The following XRCC4 variants were observed in gnomAD, a reference collection of about 807,000 sequenced individuals.
The protein encoded by XRCC4 is DNA repair protein XRCC4.
Under a neutral mutation model 39.1 loss-of-function variants are expected in XRCC4, and 28 were observed. That is an observed-to-expected ratio of 0.72 (90% CI 0.53 to 0.98). The LOEUF is 0.98. Among genes scored for constraint, XRCC4 ranks in the 50% least tolerant of loss-of-function variants. XRCC4 has a pLI of 0.00. For missense variants in XRCC4, 350 were observed against 376.4 expected (o/e 0.93, Z 0.58); for synonymous variants, 123 against 126.4 (o/e 0.97, Z 0.18).
intron 6 of XRCC4, among the ~76,000 whole-genome samples, chr5:83,215,134 G>C (rs967191423): frequency 6.6e-6 from 1 of 152,004 alleles, no homozygotes; most frequent in African/African-American, 2.4e-5. Context: ...TCAGCAGTTT[G>C]AGACCAACCT....
intron 7 of XRCC4, among the ~76,000 whole-genome samples, chr5:83,298,399 G>C (rs1392403237): frequency 6.6e-6 from 1 of 151,854 alleles, no homozygotes; most frequent in South Asian, 2.1e-4. Flanking sequence ...CTTTATAGTT[G>C]TCAATCTAAG....
intron 6 of XRCC4, among the ~76,000 whole-genome samples, chr5:83,206,221 C>T (rs971841150): frequency 1.3e-5 from 2 of 152,040 alleles, no homozygotes; most frequent in Non-Finnish European, 2.9e-5. Flanking sequence ...TATAGGATGA[C>T]AAATGCAGAA....
At chr5:83,154,580 T>C (rs1045042537) in intron 3 of XRCC4, among the ~76,000 whole-genome samples, 16 of 152,182 alleles carry the variant, frequency 1.1e-4, no homozygotes, top group African/African-American at 3.9e-4. Context: ...TAGACAATTA[T>C]TAACTATTTG....
At chr5:83,335,531 T>A (rs540859507) in intron 7 of XRCC4, among the ~76,000 whole-genome samples, 28 of 152,116 alleles carry the variant, frequency 1.8e-4, no homozygotes, top group African/African-American at 6.7e-4. Context: ...ATCCTATAAA[T>A]CAGTACTTTA....
intron 1 of XRCC4, 194 bp downstream of exon 1, chr5:83,077,809 A>G (rs1215199521): frequency 6.2e-6 from 1 of 162,446 alleles, no homozygotes; most frequent in Non-Finnish European, 1.4e-5. Context: ...GGTTCTCGGC[A>G]TTATCCTCAG....
chr5:83,176,705 C>T (rs1047042515), intron 3 of XRCC4, among the ~76,000 whole-genome samples: 3 of 151,804 alleles, frequency 2.0e-5, no homozygotes, highest in African/African-American at 7.3e-5. Flanking sequence ...TCACTGCAGC[C>T]TCCACTTTCA....
At position 83,153,921 on chromosome 5, in the gene XRCC4, A is replaced by G. The variant is rs1272774457; in HGVS notation, c.316-41849A>G. 2.6e-5 allele frequency among the ~76,000 whole-genome samples: 4 copies of G among 152,160 alleles called. No homozygotes were observed. In the East Asian group the frequency reaches 5.8e-4, roughly 22 times the overall value. Reference sequence around the variant, plus strand: ...TTTATTCACATAATTGTGTTATTGTATATGTATTTTTACAACTTTTTTATT... The same window carrying G: ...TTTATTCACATAATTGTGTTATTGTGTATGTATTTTTACAACTTTTTTATT... On this transcript the variant is annotated intron_variant, in intron 3 of 7. Transcript: ENST00000396027.
chr5:83,141,025 T>G (rs1034859113), intron 3 of XRCC4, among the ~76,000 whole-genome samples: 1 of 152,240 alleles, frequency 6.6e-6, no homozygotes, highest in African/African-American at 2.4e-5. Context: ...TATGCACATT[T>G]TCTTATATTC....
chr5:83,164,583 C>T (rs1215250891), intron 3 of XRCC4, among the ~76,000 whole-genome samples: 1 of 152,030 alleles, frequency 6.6e-6, no homozygotes, highest in Non-Finnish European at 1.5e-5. Flanking sequence ...TAAATGTTCT[C>T]ACTACACACA....
chr5:83,215,280 G>A (rs189132482), intron 6 of XRCC4, among the ~76,000 whole-genome samples: 3 of 151,810 alleles, frequency 2.0e-5, no homozygotes, highest in African/African-American at 4.8e-5. Context: ...CAGAGGTTAC[G>A]GTGAGCCAAG....
chr5:83,103,980 T>A (rs1163138545), intron 1 of XRCC4, among the ~76,000 whole-genome samples: 3 of 152,240 alleles, frequency 2.0e-5, no homozygotes, highest in Admixed American at 6.5e-5. Context: ...TTACATGGAT[T>A]TGTTCAACTG....
chr5:83,112,615 T>G (rs1236445300), intron 3 of XRCC4, among the ~76,000 whole-genome samples: 1 of 152,180 alleles, frequency 6.6e-6, no homozygotes, highest in African/African-American at 2.4e-5. Flanking sequence ...CAAGGCTGGG[T>G]AATTTATAAA....
At chr5:83,183,410 ATTTGTGTG>A in intron 3 of XRCC4, among the ~76,000 whole-genome samples, 1 of 82,124 alleles carries the variant, frequency 1.2e-5, no homozygotes, top group Non-Finnish European at 2.6e-5. Flanking sequence ...TTTTTCATTT[ATTTGTGTG>A]TGTGTGTGTG....
chr5:83,131,794 T>G (rs1747601625), intron 3 of XRCC4, among the ~76,000 whole-genome samples: 1 of 152,134 alleles, frequency 6.6e-6, no homozygotes, highest in Non-Finnish European at 1.5e-5. Context: ...GAGATGGGTC[T>G]CCTGAATACA....
At chr5:83,188,963 CTG>C in intron 3 of XRCC4, among the ~76,000 whole-genome samples, 1 of 152,264 alleles carries the variant, frequency 6.6e-6, no homozygotes, top group Admixed American at 6.5e-5. Flanking sequence ...GGAATCAAAT[CTG>C]TATTTCTTCA....
intron 7 of XRCC4, among the ~76,000 whole-genome samples, chr5:83,328,711 A>T (rs1055462820): frequency 1.3e-5 from 2 of 152,146 alleles, no homozygotes; most frequent in South Asian, 4.1e-4. Flanking sequence ...GAAGAAGAAT[A>T]AAGTGGGGAA....
intron 6 of XRCC4, among the ~76,000 whole-genome samples, chr5:83,252,555 TTAA>T (rs1753363609): frequency 6.6e-6 from 1 of 152,250 alleles, no homozygotes; most frequent in Admixed American, 6.5e-5. Flanking sequence ...AAATAATACC[TTAA>T]TGATGATATT....
At chr5:83,133,472 G>A (rs6888257) in intron 3 of XRCC4, among the ~76,000 whole-genome samples, 3 of 152,150 alleles carry the variant, frequency 2.0e-5, no homozygotes, top group South Asian at 2.1e-4. Context: ...GTTTAGCTAG[G>A]CCCTGCCCCC....
At chr5:83,078,589 T>C (rs1421281842) in intron 1 of XRCC4, among the ~76,000 whole-genome samples, 3 of 152,244 alleles carry the variant, frequency 2.0e-5, no homozygotes, top group Admixed American at 6.5e-5. Context: ...GATTCTGCTA[T>C]TTGTGTTTAC....
Sources: allele counts gnomAD v4.1 joint callset (sites outside exome capture counted in the v4.1 genomes callset), GRCh38; gene constraint gnomAD v4.1.1; transcripts MANE v1.5; gene names NCBI Gene and HGNC (gene_info 2026-07-23, HGNC 2026-07-21).